The following CAPN10 variants were observed in gnomAD, a reference collection of about 807,000 sequenced individuals.
CAPN10 encodes calpain 10.
Under a neutral mutation model 78.4 loss-of-function variants are expected in CAPN10, and 71 were observed. That is an observed-to-expected ratio of 0.91 (90% CI 0.75 to 1.10). The LOEUF is 1.10. Ranked by LOEUF, CAPN10 falls within the 50% of genes least tolerant of loss-of-function variation. The pLI, the probability that CAPN10 is intolerant of heterozygous loss-of-function variation, is 0.00. For synonymous variants in CAPN10, 437 were observed against 407.2 expected (o/e 1.07, Z -0.88); for missense variants, 849 against 924.6 (o/e 0.92, Z 1.06).
chr2:240,595,886 C>G lies in CAPN10; in HGVS notation c.1279-433C>G, dbSNP rs1236457687. On this transcript the variant is annotated intron_variant, in intron 7 of 11. Coordinates refer to ENST00000391984, the MANE Select transcript of CAPN10 (RefSeq NM_023083.4). The stretch of plus-strand genomic sequence containing the variant: ...GGCCTGAGTGTGGGTCGAGGATATG[C>G]CGGCTGCTCGCTCAGGGGCTGGGTT... 4 of 1,264,040 alleles carry G rather than the reference C, an allele frequency of 3.2e-6. No homozygotes were observed. The Admixed American group carries it at 9.1e-5, about 29-fold the overall frequency. The allele number at this position is 1,264,040 out of a possible 1,614,324, so 78.3% of individuals were successfully genotyped here.
At position 240,591,986 on chromosome 2, in the gene CAPN10, T is replaced by A. The variant is rs759644421; in HGVS notation, c.524T>A (p.Val175Glu). 6.2e-7 allele frequency: 1 copy of A among 1,613,436 alleles called. No individual in the cohort carries two copies. Among genetic ancestry groups the A allele is most frequent in the Non-Finnish European group, 8.5e-7 (1 of 1,179,978 alleles). ...GCCGGGCAGGTGGCGGATGCCCTGGTGGACCTGACCGGCGGCCTGGCAGAA... is the reference window on the plus strand; with the variant it reads ...GCCGGGCAGGTGGCGGATGCCCTGGAGGACCTGACCGGCGGCCTGGCAGAA... ...LWAGQVADAL[V>E]DLTGGLAERW... Residue 175 changes from valine to glutamate, a missense_variant, in exon 4 of 12, where the codon GTG (valine) becomes GAG (glutamate). Physicochemically the swap from Val to Glu is moderately radical, Grantham distance 121. Coordinates refer to ENST00000391984, the MANE Select transcript of CAPN10 (RefSeq NM_023083.4).
intron 4 of CAPN10, 34 bp downstream of exon 4, chr2:240,592,184 C>T: frequency 6.6e-7 from 1 of 1,518,372 alleles, no homozygotes; most frequent in Non-Finnish European, 8.9e-7. Context: ...AGGGCTGCAG[C>T]CAGCGTGCCC....
At chr2:240,595,339 G>C (rs769401783) in intron 7 of CAPN10, 35 bp downstream of exon 7, 3 of 1,602,810 alleles carry the variant, frequency 1.9e-6, no homozygotes, top group Non-Finnish European at 2.5e-6. Context: ...GCTCGGTTCA[G>C]CAGGTGGTGT....
At chr2:240,592,218 C>A in intron 4 of CAPN10, 68 bp downstream of exon 4, 1 of 1,341,160 alleles carries the variant, frequency 7.5e-7, no homozygotes, top group Non-Finnish European at 1.0e-6. Context: ...CTCAGGCACA[C>A]TGTAGCTTTT....
intron 1 of CAPN10, among the ~76,000 whole-genome samples, chr2:240,588,247 G>A (rs966691059): frequency 4.6e-5 from 7 of 152,106 alleles, no homozygotes; most frequent in African/African-American, 1.7e-4. Flanking sequence ...CCTGGAGGCA[G>A]GTGGATACGG....
At position 240,599,070 on chromosome 2, in the gene CAPN10, A is replaced by G. The variant is rs1368040280; in HGVS notation, c.*390A>G. The G allele has an allele frequency of 1.2e-5, 3 of 259,828 alleles. No homozygotes were observed. The highest frequency in any genetic ancestry group is 4.8e-5 in the Admixed American group (1 of 20,932). The allele number at this position is 259,828 out of a possible 1,614,324, so 16.1% of individuals were successfully genotyped here. On this transcript the variant is annotated 3_prime_UTR_variant, in exon 12 of 12. Coordinates refer to ENST00000391984, the MANE Select transcript of CAPN10 (RefSeq NM_023083.4). ...TTGTTCGAATCACTTTTAGGATGTA[A>G]CTTTATAAATAAACATGAGCGCTGA... is the stretch of plus-strand genomic sequence containing the variant.
At chr2:240,593,121 T>C (rs1039034534) in intron 4 of CAPN10, among the ~76,000 whole-genome samples, 5 of 152,180 alleles carry the variant, frequency 3.3e-5, no homozygotes, top group African/African-American at 1.2e-4. Context: ...GCCTCCCACC[T>C]GGGAGTGAGG....
chr2:240,598,286 C>T, intron 10 of CAPN10, 66 bp from the exon 11 acceptor site: 2 of 1,568,410 alleles, frequency 1.3e-6, no homozygotes, highest in Non-Finnish European at 8.8e-7. Context: ...GGAGGTGGGC[C>T]AGGAGCACAC....
Position 240,592,160 on chromosome 2 carries a change from G to A in CAPN10, c.688+10G>A, listed in dbSNP as rs1482689220. ...CTCAGCCCCAGAGCAGGTGAGGCAC[G>A]TGGCCAGCATGGGAGGGCTGCAGCC... On this transcript the variant is annotated intron_variant, in intron 4 of 11. Transcript: ENST00000391984. 8 of 1,553,232 alleles carry A rather than the reference G, an allele frequency of 5.2e-6. No individual in the cohort carries two copies. The East Asian group carries it at 7.2e-5, about 14-fold the overall frequency.
intron 4 of CAPN10, 40 bp downstream of exon 4, chr2:240,592,190 T>C (rs2093106973): frequency 6.7e-7 from 1 of 1,497,930 alleles, no homozygotes; most frequent in African/African-American, 1.4e-5. Flanking sequence ...GCAGCCAGCG[T>C]GCCCCCCACT....
At chr2:240,588,718 T>G (rs2093083172) in intron 1 of CAPN10, among the ~76,000 whole-genome samples, 1 of 152,110 alleles carries the variant, frequency 6.6e-6, no homozygotes, top group African/African-American at 2.4e-5. Flanking sequence ...GGCAGCTCTT[T>G]CAAGAGCTGT....
chr2:240,591,984 G>T lies in CAPN10; in HGVS notation c.522G>T (p.Leu174=), dbSNP rs777007492. The change falls in exon 4 of 12, where the codon CTG becomes CTT. Residue 174 remains leucine, a synonymous_variant. Coordinates refer to ENST00000391984, the MANE Select transcript of CAPN10 (RefSeq NM_023083.4). ...HLWAGQVADA[L]VDLTGGLAER... ...GGGCCGGGCAGGTGGCGGATGCCCT[G>T]GTGGACCTGACCGGCGGCCTGGCAG... is the stretch of plus-strand genomic sequence containing the variant. 3 of 1,613,406 alleles carry T rather than the reference G, an allele frequency of 1.9e-6. No individual in the cohort carries two copies. The highest frequency in any genetic ancestry group is 2.5e-6 in the Non-Finnish European group (3 of 1,180,010).
chr2:240,590,541 G>A, intron 2 of CAPN10: 1 of 414,888 alleles, frequency 2.4e-6, no homozygotes, highest in Non-Finnish European at 4.4e-6. Context: ...GCAGCCCTGT[G>A]CAGGCGCCGA....
In CAPN10 at chr2:240,596,321, A is replaced by G. The variant is rs1276103951; in HGVS notation, c.1281A>G (p.Val427=). The change falls in exon 8 of 12, where the codon GTA becomes GTG. Residue 427 remains valine (V), a splice_region_variant and synonymous_variant. Coordinates refer to ENST00000391984, the MANE Select transcript of CAPN10 (RefSeq NM_023083.4). ...GAGCCTCCTGCACGTGCTCACAGGTAGAGAAGCGGCGGGTCAATCTGCCTA... is the reference window on the plus strand; with the variant it reads ...GAGCCTCCTGCACGTGCTCACAGGTGGAGAAGCGGCGGGTCAATCTGCCTA... ...YQAVGLHLWK[V]EKRRVNLPRV... 1.2e-5 allele frequency: 20 copies of G among 1,600,836 alleles called. No homozygotes were observed. Among genetic ancestry groups the G allele is most frequent in the Non-Finnish European group, 1.6e-5 (19 of 1,170,204 alleles).
intron 5 of CAPN10, 143 bp downstream of exon 5, chr2:240,594,190 T>C: frequency 2.2e-6 from 2 of 903,050 alleles, no homozygotes; most frequent in Non-Finnish European, 3.2e-6. Context: ...CGTGACACCA[T>C]GCTTGTCTTG....
chr2:240,598,806 G>A lies in CAPN10; in HGVS notation c.*126G>A. On this transcript the variant is annotated 3_prime_UTR_variant, in exon 12 of 12. Transcript: ENST00000391984. The stretch of plus-strand genomic sequence containing the variant: ...GAGTCTTGGCCTGCCTCCCAGCCCT[G>A]CCAGGAGGCTGCGGCCTAGGGGTCC... 6 of 950,636 alleles carry A rather than the reference G, an allele frequency of 6.3e-6. No homozygotes were observed. The highest frequency in any genetic ancestry group is 9.9e-6 in the Non-Finnish European group (6 of 609,050). 58.9% of individuals were successfully genotyped at this position (950,636 alleles called of 1,614,324 possible).
intron 1 of CAPN10, among the ~76,000 whole-genome samples, chr2:240,587,918 G>A (rs2093078323): frequency 6.6e-6 from 1 of 152,208 alleles, no homozygotes; most frequent in African/African-American, 2.4e-5. Context: ...GGTGGGAAGT[G>A]GGTTGTCGGG....
intron 10 of CAPN10, 124 bp from the exon 11 acceptor site, chr2:240,598,228 C>A: frequency 7.1e-7 from 1 of 1,410,906 alleles, no homozygotes; most frequent in Non-Finnish European, 1.0e-6. Flanking sequence ...GTCCTGCCTA[C>A]CTGGGGACCC....
rs1170246371 is a variant in CAPN10 at position 240,596,680 on chromosome 2, G to A, written c.1482-1G>A. 2.2e-5 allele frequency: 34 copies of A among 1,538,704 alleles called. No homozygotes were observed. The highest frequency in any genetic ancestry group is 3.0e-5 in the Non-Finnish European group (34 of 1,142,746). On this transcript the variant is annotated splice_acceptor_variant, in intron 8 of 11. Transcript: ENST00000391984. LOFTEE classifies it high-confidence loss of function. Reference sequence around the variant, plus strand: ...CCCTCCCATGTTTGTCTTCTTGGCAGCGCCATCAGGGCAGTGGCCAAGAAC... The same window carrying A: ...CCCTCCCATGTTTGTCTTCTTGGCAACGCCATCAGGGCAGTGGCCAAGAAC...
Sources: gnomAD v4.1 joint callset for allele counts (sites outside exome capture counted in the v4.1 genomes callset) on GRCh38, gnomAD v4.1.1 for gene constraint, MANE v1.5 for transcripts, NCBI Gene and HGNC (gene_info 2026-07-23, HGNC 2026-07-21) for gene names.